TMC1: variants seen among roughly 807,000 people sequenced by gnomAD.
The protein encoded by TMC1 is transmembrane channel like 1.
In TMC1, 84 loss-of-function variants were observed where a neutral mutation model predicts 105.8. The observed-to-expected ratio is 0.79, with a 90% confidence interval of 0.67 to 0.95. The LOEUF is 0.95. TMC1 is among the 40% of genes least tolerant of loss of function. TMC1 has a pLI of 0.00. For synonymous variants in TMC1, 315 were observed against 311.5 expected, an observed-to-expected ratio of 1.01 and a Z score of -0.12; for missense variants, 817 against 914.1, an observed-to-expected ratio of 0.89 and a Z score of 1.37.
intron 14 of TMC1, among the ~76,000 whole-genome samples, chr9:72,788,712 A>G (rs1384606699): frequency 6.6e-6 from 1 of 152,208 alleles, no homozygotes; most frequent in Non-Finnish European, 1.5e-5. Context: ...TCTGGTAATA[A>G]AATAATGTTA....
chr9:72,669,430 A>G (rs1342274683), intron 5 of TMC1, among the ~76,000 whole-genome samples: 1 of 152,218 alleles, frequency 6.6e-6, no homozygotes, highest in Non-Finnish European at 1.5e-5. Flanking sequence ...ATTTCATTTC[A>G]GCTTTTAATT....
intron 12 of TMC1, among the ~76,000 whole-genome samples, chr9:72,763,595 G>A (rs939971239): frequency 3.9e-5 from 6 of 152,138 alleles, no homozygotes; most frequent in African/African-American, 1.4e-4. Flanking sequence ...TTTGAAAGAA[G>A]GGAGAGATAT....
At chr9:72,638,971 G>A (rs1198091162) in intron 4 of TMC1, among the ~76,000 whole-genome samples, 3 of 151,938 alleles carry the variant, frequency 2.0e-5, no homozygotes, top group Non-Finnish European at 2.9e-5. Context: ...TTTCTTTACC[G>A]AAGAGCATAG....
intron 1 of TMC1, among the ~76,000 whole-genome samples, chr9:72,545,137 TACACAC>T (rs61673540): frequency 9.4e-5 from 14 of 148,172 alleles, no homozygotes; most frequent in Non-Finnish European, 1.3e-4. Flanking sequence ...GATATATATA[TACACAC>T]ACACACACAC....
chr9:72,592,782 A>G (rs532692133), intron 2 of TMC1, among the ~76,000 whole-genome samples: 18 of 152,314 alleles, frequency 1.2e-4, no homozygotes, highest in Non-Finnish European at 2.2e-4. Context: ...TAAATGTCCA[A>G]TGGGTCAGTT....
At chr9:72,556,728 AGGAGAATCACTTGAACCTG>A (rs1401406984) in intron 1 of TMC1, among the ~76,000 whole-genome samples, 1 of 152,056 alleles carries the variant, frequency 6.6e-6, no homozygotes, top group Non-Finnish European at 1.5e-5. Flanking sequence ...AGGCCGAAGC[AGGAGAATCACTTGAACCTG>A]GGAGGCGGAG....
chr9:72,597,771 A>G (rs7023907), intron 2 of TMC1, among the ~76,000 whole-genome samples: 3,535 of 152,316 alleles, frequency 0.023, 150 homozygotes, highest in African/African-American at 0.08. Context: ...ATGTCAGCAC[A>G]GACCCTCTGT....
At chr9:72,651,551 A>G (rs1364242483) in intron 5 of TMC1, 3 of 152,096 alleles carry the variant, frequency 2.0e-5, no homozygotes, top group Non-Finnish European at 2.9e-5. Flanking sequence ...CCATAGAAAG[A>G]AAGGGAACAT....
At chr9:72,708,936 G>A (rs916181725) in intron 8 of TMC1, among the ~76,000 whole-genome samples, 6 of 151,662 alleles carry the variant, frequency 4.0e-5, no homozygotes, top group East Asian at 1.9e-4. Context: ...CTTGTATGCC[G>A]ATTTTGCTGA....
intron 2 of TMC1, among the ~76,000 whole-genome samples, chr9:72,578,927 C>A (rs117685448): frequency 2.5e-3 from 381 of 152,162 alleles, no homozygotes; most frequent in Non-Finnish European, 4.1e-3. Context: ...CGATGTTGGT[C>A]GTTGGATGAA....
At chr9:72,609,154 T>C (rs752511597) in intron 2 of TMC1, among the ~76,000 whole-genome samples, 2 of 151,506 alleles carry the variant, frequency 1.3e-5, no homozygotes, top group Non-Finnish European at 2.9e-5. Context: ...TCCCCTTCTA[T>C]TCTTCCTTCC....
chr9:72,584,815 C>G (rs1415790029), intron 2 of TMC1, among the ~76,000 whole-genome samples: 1 of 120,282 alleles, frequency 8.3e-6, no homozygotes, highest in Non-Finnish European at 1.6e-5. Context: ...GACAGGGTCT[C>G]GCTTCGTTGC....
intron 5 of TMC1, chr9:72,655,721 G>A (rs761974617): frequency 6.2e-5 from 27 of 432,958 alleles, no homozygotes; most frequent in African/African-American, 1.9e-4. Context: ...CAGCCCGGGC[G>A]ACAGACCGAG....
intron 13 of TMC1, among the ~76,000 whole-genome samples, chr9:72,780,600 A>G (rs562193030): frequency 6.6e-6 from 1 of 152,314 alleles, no homozygotes; most frequent in South Asian, 2.1e-4. Flanking sequence ...ATAAAAATCT[A>G]TCAAGCCATA....
chr9:72,638,976 G>A (rs12347235), intron 4 of TMC1, among the ~76,000 whole-genome samples: 23,266 of 152,090 alleles, frequency 0.15, 1,903 homozygotes, highest in Non-Finnish European at 0.19. Flanking sequence ...TTACCGAAGA[G>A]CATAGAGAAA....
chr9:72,645,680 C>T (rs1198273459), intron 4 of TMC1, among the ~76,000 whole-genome samples: 1 of 152,132 alleles, frequency 6.6e-6, no homozygotes, highest in Non-Finnish European at 1.5e-5. Flanking sequence ...TGTTCATTGT[C>T]ACGAAACAAG....
At chr9:72,809,871 C>A (rs575073833) in intron 18 of TMC1, among the ~76,000 whole-genome samples, 2 of 152,128 alleles carry the variant, frequency 1.3e-5, no homozygotes, top group African/African-American at 4.8e-5. Flanking sequence ...CTTCACCACT[C>A]TTTTCTCTTA....
chr9:72,805,405 T>A lies in TMC1; in HGVS notation c.1590T>A (p.Ser530=), dbSNP rs1272576015. The A allele has an allele frequency of 6.2e-7, 1 of 1,613,916 alleles. No homozygotes were observed. Among genetic ancestry groups the A allele is most frequent in the Non-Finnish European group, 8.5e-7 (1 of 1,179,932 alleles). ...AGGAGTTTGTGAGGCTGACAGTCTC[T>A]GATGTTCTGACCACCTACGTCACAA... The part of the protein sequence containing the change: ...VGQEFVRLTV[S]DVLTTYVTIL... Residue 530 remains serine (S), a synonymous_variant, in exon 18 of 24, where the codon TCT becomes TCA. Transcript: ENST00000297784.
At chr9:72,775,604 C>T (rs966161473) in intron 13 of TMC1, among the ~76,000 whole-genome samples, 15 of 152,174 alleles carry the variant, frequency 9.9e-5, no homozygotes, top group Non-Finnish European at 2.2e-4. Flanking sequence ...AAACTCATAG[C>T]TATTTTATCC....
Sources: allele counts gnomAD v4.1 joint callset (sites outside exome capture counted in the v4.1 genomes callset), GRCh38; gene constraint gnomAD v4.1.1; transcripts MANE v1.5; gene names NCBI Gene and HGNC (gene_info 2026-07-23, HGNC 2026-07-21).